FAAP20: variants seen among roughly 807,000 people sequenced by gnomAD.
FAAP20 encodes the protein Fanconi anemia core complex-associated protein 20.
Under a neutral mutation model 16.2 loss-of-function variants are expected in FAAP20, and 12 were observed. The ratio of observed to expected loss-of-function variants is 0.74; its 90% CI spans 0.48 to 1.20. The LOEUF (loss-of-function observed/expected upper bound fraction) is 1.20, where lower values mean the gene tolerates loss of function less well. Ranked by LOEUF, FAAP20 falls within the 50% of genes most tolerant of loss-of-function variation. The pLI, the probability that FAAP20 is intolerant of heterozygous loss-of-function variation, is 0.00. For synonymous variants in FAAP20, 141 were observed against 110.7 expected (o/e 1.27, Z -1.72); for missense variants, 288 against 245.8 (o/e 1.17, Z -1.15).
At chr1:2,198,977 G>A (rs771034469), upstream of FAAP20, 22 of 1,287,354 alleles carry the variant, frequency 1.7e-5, 1 homozygote, top group South Asian at 1.1e-4. Flanking sequence ...GCAGGTGCTC[G>A]GGCCCACACA....
intron 3 of FAAP20, chr1:2,192,258 T>C (rs1370063329): frequency 2.0e-6 from 2 of 986,176 alleles, no homozygotes; most frequent in Non-Finnish European, 2.4e-6. Context: ...GCCCATGCGG[T>C]GGCCACAGCC....
intron 3 of FAAP20, chr1:2,190,670 AGCCTAGACTTGG>A (rs1688116228): frequency 2.9e-6 from 1 of 340,410 alleles, no homozygotes; most frequent in Admixed American, 3.8e-5. Context: ...GGGCGGCTTC[AGCCTAGACTTGG>A]GCCTAGATCT....
exon 2 of FAAP20, chr1:2,212,455 A>C (rs1227342711): frequency 6.4e-6 from 1 of 155,442 alleles, no homozygotes; most frequent in African/African-American, 2.4e-5. Flanking sequence ...CAGGCCTTGG[A>C]TCTCTGGTTG....
chr1:2,205,321 C>T (rs1348192152), intron 3 of FAAP20, among the ~76,000 whole-genome samples: 4 of 146,338 alleles, frequency 2.7e-5, no homozygotes, highest in Non-Finnish European at 6.0e-5. Flanking sequence ...AAGCCCCGCC[C>T]CGCAGGGTCC....
At chr1:2,206,599 C>A (rs113446506) in exon 2 of FAAP20, 1 of 152,122 alleles carries the variant, frequency 6.6e-6, no homozygotes, top group Admixed American at 6.6e-5. Flanking sequence ...TTTGGGAGGC[C>A]GAGGCGGGCG....
upstream of FAAP20, among the ~76,000 whole-genome samples, chr1:2,197,824 G>A (rs1199714477): frequency 6.6e-6 from 1 of 152,254 alleles, no homozygotes; most frequent in Non-Finnish European, 1.5e-5. Context: ...CACAGAGAAA[G>A]GCACTGGGGT....
upstream of FAAP20, chr1:2,199,732 G>C: frequency 2.7e-6 from 2 of 754,312 alleles, no homozygotes; most frequent in Non-Finnish European, 3.2e-6. The surrounding 1 kb of genome is among the most constrained non-coding windows in gnomAD (Gnocchi z 4.5). Context: ...AGGATGAGGC[G>C]ATACTGGGTT....
chr1:2,202,026 A>C (rs961248026), upstream of FAAP20, among the ~76,000 whole-genome samples: 2 of 151,870 alleles, frequency 1.3e-5, no homozygotes, highest in Non-Finnish European at 2.9e-5. Context: ...CAAAAAAAAA[A>C]AAAAAAGAAG....
chr1:2,186,980 T>G (rs1687672002), downstream of FAAP20: 3 of 299,640 alleles, frequency 1.0e-5, no homozygotes, highest in Non-Finnish European at 2.1e-5. Context: ...AAGGATGTAT[T>G]GAAGTGTGGT....
At chr1:2,194,195 AC>A (rs1414954095) in intron 1 of FAAP20, 62 bp from the exon 2 acceptor site, 11 of 1,589,014 alleles carry the variant, frequency 6.9e-6, no homozygotes, top group Non-Finnish European at 8.6e-6. Flanking sequence ...TGGTGGGGAG[AC>A]CCGGGAGGGC....
At chr1:2,197,550 A>G (rs1688874354), upstream of FAAP20, among the ~76,000 whole-genome samples, 1 of 152,186 alleles carries the variant, frequency 6.6e-6, no homozygotes, top group African/African-American at 2.4e-5. Context: ...CTTGAGTCTT[A>G]GCCACCCCAG....
At chr1:2,204,903 C>A (rs1689182536), upstream of FAAP20, among the ~76,000 whole-genome samples, 1 of 138,408 alleles carries the variant, frequency 7.2e-6, no homozygotes, top group Non-Finnish European at 1.6e-5. Flanking sequence ...AAGCCCCGCC[C>A]CTCAAGCCCC....
upstream of FAAP20, chr1:2,198,002 C>T (rs1688890894): frequency 7.8e-7 from 1 of 1,287,906 alleles, no homozygotes; most frequent in Non-Finnish European, 1.0e-6. Flanking sequence ...CTCCAACAAA[C>T]ATACCTTGTC....
downstream of FAAP20, chr1:2,184,897 T>A (rs1572078962): frequency 1.9e-6 from 3 of 1,588,206 alleles, no homozygotes; most frequent in Non-Finnish European, 2.6e-6. Flanking sequence ...GTCACCCCCC[T>A]CCCCCCTGCC....
chr1:2,206,068 A>G (rs886661785), intron 3 of FAAP20, among the ~76,000 whole-genome samples: 2 of 152,220 alleles, frequency 1.3e-5, no homozygotes, highest in African/African-American at 2.4e-5. Context: ...TTACGTTCGC[A>G]TGGCCACTCT....
chr1:2,201,081 A>G (rs911554531), upstream of FAAP20: 1 of 1,289,148 alleles, frequency 7.8e-7, no homozygotes, highest in Non-Finnish European at 1.0e-6. Flanking sequence ...TTGTCATAGG[A>G]AACTGTGCTT....
downstream of FAAP20, among the ~76,000 whole-genome samples, chr1:2,211,352 C>T (rs1368423373): frequency 2.2e-5 from 3 of 134,250 alleles, no homozygotes; most frequent in Non-Finnish European, 3.1e-5. Flanking sequence ...GCCTCAGCCT[C>T]CCAAGTAGCT....
chr1:2,209,850 T>C (rs1689388714), downstream of FAAP20, among the ~76,000 whole-genome samples: 1 of 152,224 alleles, frequency 6.6e-6, no homozygotes, highest in African/African-American at 2.4e-5. Context: ...TCCTGCCTTC[T>C]GTCCAGACAG....
intron 1 of FAAP20, 176 bp from the exon 2 acceptor site, chr1:2,194,309 C>T: frequency 1.4e-5 from 1 of 69,096 alleles, no homozygotes; most frequent in Non-Finnish European, 2.1e-5. Context: ...GCAGACAGTG[C>T]GGAGATGAGG....
Sources: allele counts gnomAD v4.1 joint callset (sites outside exome capture counted in the v4.1 genomes callset), GRCh38; gene constraint gnomAD v4.1.1; non-coding constraint Gnocchi (gnomAD v3.1); transcripts MANE v1.5; gene names NCBI Gene and HGNC (gene_info 2026-07-23, HGNC 2026-07-21).